Variants in REPS1 observed in about 807,000 individuals in gnomAD.
REPS1 encodes ralBP1-associated Eps domain-containing protein 1.
Under a neutral mutation model 100.9 loss-of-function variants are expected in REPS1, and 39 were observed. The ratio of observed to expected loss-of-function variants is 0.39; its 90% confidence interval spans 0.30 to 0.50. REPS1 has a LOEUF of 0.50. Ranked by LOEUF, REPS1 falls within the 20% of genes least tolerant of loss-of-function variation. The pLI, the probability that REPS1 is intolerant of heterozygous loss-of-function variation, is 0.86. For missense variants in REPS1, 821 were observed against 968.5 expected (o/e 0.85, Z 2.02); for synonymous variants, 324 against 340.3 (o/e 0.95, Z 0.53).
intron 7 of REPS1, 69 bp from the exon 8 acceptor site, chr6:138,941,558 C>T: frequency 7.0e-7 from 1 of 1,430,562 alleles, no homozygotes; most frequent in South Asian, 1.2e-5. Flanking sequence ...CAAAAAGAAG[C>T]AAGAGAAATA....
chr6:138,969,854 T>C (rs1490024541), intron 1 of REPS1, among the ~76,000 whole-genome samples: 1 of 142,574 alleles, frequency 7.0e-6, no homozygotes, highest in Admixed American at 7.1e-5. Flanking sequence ...TTACTGTGAA[T>C]TGGGATTTTT....
At chr6:138,941,837 T>G (rs1047595210) in intron 7 of REPS1, among the ~76,000 whole-genome samples, 2 of 152,238 alleles carry the variant, frequency 1.3e-5, no homozygotes, top group Non-Finnish European at 2.9e-5. Flanking sequence ...TTCAAAAGTC[T>G]GTTTTTATGT....
intron 1 of REPS1, among the ~76,000 whole-genome samples, chr6:138,955,206 T>G (rs1783295244): frequency 6.6e-6 from 1 of 151,976 alleles, no homozygotes; most frequent in Admixed American, 6.6e-5. Context: ...TCCCAATATT[T>G]TGGGAGGCTG....
intron 1 of REPS1, among the ~76,000 whole-genome samples, chr6:138,965,001 T>C (rs1314136210): frequency 5.9e-5 from 9 of 152,268 alleles, no homozygotes; most frequent in Middle Eastern, 6.8e-3. Context: ...AAGTTTATAG[T>C]TCTTGACTTC....
chr6:138,930,543 A>G (rs1430925855), intron 8 of REPS1, among the ~76,000 whole-genome samples: 1 of 152,180 alleles, frequency 6.6e-6, no homozygotes, highest in African/African-American at 2.4e-5. Context: ...GCACATTTGT[A>G]TATCAAGACT....
intron 1 of REPS1, among the ~76,000 whole-genome samples, chr6:138,978,535 C>A (rs1168794227): frequency 2.0e-5 from 3 of 151,770 alleles, no homozygotes; most frequent in Non-Finnish European, 1.5e-5. Context: ...GTCTCAAACT[C>A]CCGGGCTCAA....
chr6:138,934,706 A>AAGG (rs1465195735), intron 8 of REPS1, among the ~76,000 whole-genome samples: 2 of 152,224 alleles, frequency 1.3e-5, no homozygotes, highest in African/African-American at 4.8e-5. Context: ...TATTAATCTT[A>AAGG]CAGAAATATA....
intron 1 of REPS1, among the ~76,000 whole-genome samples, chr6:138,952,735 C>T (rs1783115596): frequency 6.6e-6 from 1 of 151,852 alleles, no homozygotes; most frequent in South Asian, 2.1e-4. Flanking sequence ...GTGCCAAGAA[C>T]ACTCATTGGG....
intron 1 of REPS1, among the ~76,000 whole-genome samples, chr6:138,967,626 T>C (rs190876376): frequency 6.6e-6 from 1 of 152,282 alleles, no homozygotes; most frequent in East Asian, 1.9e-4. Context: ...CCCTTGCCTA[T>C]TTACCATAAT....
At chr6:138,956,727 C>T (rs1011266038) in intron 1 of REPS1, among the ~76,000 whole-genome samples, 3 of 151,734 alleles carry the variant, frequency 2.0e-5, no homozygotes, top group African/African-American at 7.3e-5. Flanking sequence ...TTGCCTCATC[C>T]TTAAATATGA....
Position 138,987,563 on chromosome 6 carries a change from C to T in REPS1, c.120G>A (p.Arg40=). The T allele has an allele frequency of 1.3e-6, 2 of 1,550,482 alleles. No homozygotes were observed. Among genetic ancestry groups the T allele is most frequent in the Non-Finnish European group, 1.7e-6 (2 of 1,146,526 alleles). ...VVNGRVLELF[R]AAQLPNDVVL... ...CCACGTCGTTCGGCAGCTGCGCGGC[C>T]CGGAACAGCTCCAGCACCCGCCCGT... Residue 40 remains arginine, a synonymous_variant, in exon 1 of 20, where the codon CGG becomes CGA. Coordinates refer to ENST00000450536, the MANE Select transcript of REPS1 (RefSeq NM_001286611.2).
chr6:138,921,538 C>T (rs1023723801), intron 10 of REPS1, among the ~76,000 whole-genome samples: 1 of 146,072 alleles, frequency 6.8e-6, no homozygotes, highest in African/African-American at 2.5e-5. Flanking sequence ...ATAGTCCCAG[C>T]TACTCGGGGA....
chr6:138,983,076 C>T (rs1368970223), intron 1 of REPS1, among the ~76,000 whole-genome samples: 1 of 152,170 alleles, frequency 6.6e-6, no homozygotes, highest in African/African-American at 2.4e-5. Context: ...GCTCCCAAAC[C>T]ACATGACCAG....
intron 19 of REPS1, 105 bp downstream of exon 19, chr6:138,907,390 A>C: frequency 7.9e-5 from 55 of 697,136 alleles, no homozygotes; most frequent in Non-Finnish European, 1.0e-4. Context: ...AAATTAGAGA[A>C]GAGAACCATA....
In REPS1 at chr6:138,926,445, G is replaced by A. The variant is rs1220358675; in HGVS notation, c.1294C>T (p.Gln432Ter). 1 of 1,613,282 alleles carries A rather than the reference G, an allele frequency of 6.2e-7. No homozygotes were observed. ...ETFSERSSSS[Q>*]TLTQFDSNIA... ...TTAGAATCAAATTGGGTCAGAGTTTGTGAGCTTGAAGAGCGTTCACTAAAT... is the reference window on the plus strand; with the variant it reads ...TTAGAATCAAATTGGGTCAGAGTTTATGAGCTTGAAGAGCGTTCACTAAAT... The change falls in exon 10 of 20, where the codon CAA becomes TAA. Residue 432 changes from glutamine to a stop codon, truncating the protein, a stop_gained. Coordinates refer to ENST00000450536, the MANE Select transcript of REPS1 (RefSeq NM_001286611.2). LOFTEE classifies it high-confidence loss of function.
chr6:138,938,112 A>C (rs1781979829), intron 8 of REPS1, among the ~76,000 whole-genome samples: 1 of 152,122 alleles, frequency 6.6e-6, no homozygotes, highest in Non-Finnish European at 1.5e-5. Flanking sequence ...TTCTTTTGTA[A>C]AACAACAAAA....
At chr6:138,916,062 A>G in intron 13 of REPS1, 86 bp from the exon 14 acceptor site, 1 of 933,410 alleles carries the variant, frequency 1.1e-6, no homozygotes, top group South Asian at 1.3e-5. Context: ...GCTAAGCAGC[A>G]AAGGATCTTA....
At chr6:138,908,178 G>A (rs1479042151) in intron 18 of REPS1, among the ~76,000 whole-genome samples, 2 of 151,964 alleles carry the variant, frequency 1.3e-5, no homozygotes, top group African/African-American at 4.8e-5. Context: ...GTGTTAAAAT[G>A]GCATTGAATT....
intron 8 of REPS1, among the ~76,000 whole-genome samples, chr6:138,930,778 C>T (rs149243261): frequency 7.2e-4 from 109 of 152,052 alleles, no homozygotes; most frequent in African/African-American, 2.4e-3. Flanking sequence ...TCCCCAGCCA[C>T]GGGAAAAAAG....
Sources: gnomAD v4.1 joint callset for allele counts (sites outside exome capture counted in the v4.1 genomes callset) on GRCh38, gnomAD v4.1.1 for gene constraint, MANE v1.5 for transcripts, NCBI Gene and HGNC (gene_info 2026-07-23, HGNC 2026-07-21) for gene names.